Variants in ZRANB3 observed in about 807,000 individuals in gnomAD.
ZRANB3 encodes the protein zinc finger RANBP2-type containing 3, also known as DNA annealing helicase and endonuclease ZRANB3.
In ZRANB3, 125 loss-of-function variants were observed where a neutral mutation model predicts 133.8. That is an observed-to-expected ratio of 0.93 (90% CI 0.81 to 1.08). ZRANB3 has a LOEUF of 1.08. ZRANB3 is among the 50% of genes least tolerant of loss of function. The pLI, the probability that ZRANB3 is intolerant of heterozygous loss-of-function variation, is 0.00. For synonymous variants in ZRANB3, 387 were observed against 432.7 expected (o/e 0.89, Z 1.31); for missense variants, 1,229 against 1,275.5 (o/e 0.96, Z 0.56).
At chr2:135,271,198 T>C (rs1680493724) in intron 10 of ZRANB3, 1 of 405,188 alleles carries the variant, frequency 2.5e-6, no homozygotes. Flanking sequence ...GTATAGGTCC[T>C]AAGGACTTTG....
intron 2 of ZRANB3, among the ~76,000 whole-genome samples, chr2:135,420,250 C>G (rs1304758370): frequency 6.6e-6 from 1 of 150,938 alleles, no homozygotes; most frequent in Non-Finnish European, 1.5e-5. Flanking sequence ...TTTTGTATCT[C>G]TTTAATGGTA....
In ZRANB3 at chr2:135,299,424, C is replaced by T. The variant is rs558411454; in HGVS notation, c.966+14065G>A. ...AGGCTACAAGCCTCCCCTGCTCTGC[C>T]TATAGCTTCTTCTGTGCTTGTATCT... On this transcript the variant is annotated intron_variant, in intron 8 of 20. Transcript: ENST00000264159. 2.6e-5 allele frequency among the ~76,000 whole-genome samples: 4 copies of T among 152,300 alleles called. No individual in the cohort carries two copies. The South Asian group carries it at 6.2e-4, about 24-fold the overall frequency.
At chr2:135,452,339 A>C (rs1269010242) in intron 2 of ZRANB3, among the ~76,000 whole-genome samples, 4 of 152,176 alleles carry the variant, frequency 2.6e-5, no homozygotes, top group African/African-American at 9.7e-5. Context: ...GAATGGGTAC[A>C]CAGCCAAACC....
chr2:135,271,433 T>C (rs1265882997), intron 10 of ZRANB3: 1 of 478,392 alleles, frequency 2.1e-6, no homozygotes, highest in South Asian at 1.6e-5. Context: ...GGGTTGGATA[T>C]AAGACAGGTA....
At chr2:135,491,680 AT>A (rs1218552159) in intron 2 of ZRANB3, among the ~76,000 whole-genome samples, 1 of 151,246 alleles carries the variant, frequency 6.6e-6, no homozygotes, top group Non-Finnish European at 1.5e-5. Flanking sequence ...GGCCCAGCTA[AT>A]TTTTTTTGTA....
In ZRANB3 at chr2:135,428,525, T is replaced by C. The variant is rs1310817970; in HGVS notation, c.162-37705A>G. Among the ~76,000 whole-genome samples, 4 of 151,672 alleles carry C rather than the reference T, an allele frequency of 2.6e-5. No homozygotes were observed. In the South Asian group the frequency reaches 8.3e-4, roughly 32 times the overall value. On this transcript the variant is annotated intron_variant, in intron 2 of 20. Coordinates refer to ENST00000264159, the MANE Select transcript of ZRANB3 (RefSeq NM_032143.4). ...ATGGGACCTAATTAACTAAGGAGAT[T>C]CTGTACAGCAAAAGAAATAATCAAC...
At chr2:135,308,597 T>A (rs1558905448) in intron 8 of ZRANB3, among the ~76,000 whole-genome samples, 1 of 152,096 alleles carries the variant, frequency 6.6e-6, no homozygotes, top group East Asian at 1.9e-4. Flanking sequence ...CTGAAAAAAA[T>A]TTGTTCTTTT....
At chr2:135,432,742 TAAA>T (rs560419665) in intron 2 of ZRANB3, among the ~76,000 whole-genome samples, 231 of 152,270 alleles carry the variant, frequency 1.5e-3, no homozygotes, top group African/African-American at 5.4e-3. Flanking sequence ...CAGTCTTATC[TAAA>T]ATGTCTCAAA....
At chr2:135,432,587 C>G (rs1053954889) in intron 2 of ZRANB3, among the ~76,000 whole-genome samples, 1 of 152,174 alleles carries the variant, frequency 6.6e-6, no homozygotes, top group Non-Finnish European at 1.5e-5. Context: ...ACAAGCTGGA[C>G]TGTTAACACT....
chr2:135,351,065 A>AG (rs1685181813), intron 4 of ZRANB3, among the ~76,000 whole-genome samples: 1 of 152,138 alleles, frequency 6.6e-6, no homozygotes, highest in South Asian at 2.1e-4. Context: ...TGAAATAATT[A>AG]GACAAATAAA....
At chr2:135,368,866 A>T (rs1410099372) in intron 3 of ZRANB3, among the ~76,000 whole-genome samples, 1 of 152,068 alleles carries the variant, frequency 6.6e-6, no homozygotes, top group African/African-American at 2.4e-5. Context: ...TTCAAATAAA[A>T]ATGTACTGAA....
At chr2:135,455,590 T>C (rs13423417) in intron 2 of ZRANB3, among the ~76,000 whole-genome samples, 2,093 of 131,978 alleles carry the variant, frequency 0.016, 43 homozygotes, top group African/African-American at 0.057. Context: ...GATTTTTTTC[T>C]TTTTTTTTTT....
intron 7 of ZRANB3, among the ~76,000 whole-genome samples, chr2:135,314,132 G>A (rs1318148322): frequency 1.3e-5 from 2 of 152,118 alleles, no homozygotes; most frequent in African/African-American, 4.8e-5. Flanking sequence ...CCAAAGTGCT[G>A]GGACTACAGG....
At chr2:135,397,251 T>G (rs1687533765) in intron 2 of ZRANB3, among the ~76,000 whole-genome samples, 1 of 152,016 alleles carries the variant, frequency 6.6e-6, no homozygotes, top group Admixed American at 6.6e-5. Context: ...GAGACCAACG[T>G]GGGCAACATA....
chr2:135,218,349 C>T (rs1469094208), intron 16 of ZRANB3, among the ~76,000 whole-genome samples: 1 of 152,102 alleles, frequency 6.6e-6, no homozygotes, highest in African/African-American at 2.4e-5. Flanking sequence ...ATCAATAAAT[C>T]TGGGACATTT....
intron 2 of ZRANB3, among the ~76,000 whole-genome samples, chr2:135,499,932 C>T (rs1283986015): frequency 6.6e-6 from 1 of 151,986 alleles, no homozygotes; most frequent in African/African-American, 2.4e-5. Flanking sequence ...AGGGTATCAC[C>T]AATGTAACCA....
chr2:135,298,576 G>C (rs1382504841), intron 8 of ZRANB3, among the ~76,000 whole-genome samples: 1 of 152,126 alleles, frequency 6.6e-6, no homozygotes, highest in African/African-American at 2.4e-5. Context: ...GGACTGCAGT[G>C]ATTGTTATTG....
chr2:135,213,202 C>A (rs1201686919), intron 17 of ZRANB3, among the ~76,000 whole-genome samples: 2 of 152,142 alleles, frequency 1.3e-5, no homozygotes, highest in African/African-American at 4.8e-5. Context: ...TGCTGTCAAT[C>A]TGAAAGCTGT....
intron 12 of ZRANB3, among the ~76,000 whole-genome samples, chr2:135,237,551 A>T (rs1695347984): frequency 6.6e-6 from 1 of 151,118 alleles, no homozygotes; most frequent in Non-Finnish European, 1.5e-5. Flanking sequence ...CAAATGTCCA[A>T]CAATGATAGA....
Sources: gnomAD v4.1 joint callset for allele counts (sites outside exome capture counted in the v4.1 genomes callset) on GRCh38, gnomAD v4.1.1 for gene constraint, MANE v1.5 for transcripts, NCBI Gene and HGNC (gene_info 2026-07-23, HGNC 2026-07-21) for gene names.